NRG1: variants seen among roughly 807,000 people sequenced by gnomAD.
NRG1 encodes pro-neuregulin-1, membrane-bound isoform.
A neutral mutation model predicts 63.8 loss-of-function variants in NRG1; 18 were observed. That is an observed-to-expected ratio of 0.28 (90% CI 0.19 to 0.42). The LOEUF (loss-of-function observed/expected upper bound fraction) is 0.42. Among genes scored for constraint, NRG1 ranks in the 10% least tolerant of loss-of-function variants. The pLI is 1.00. For missense variants in NRG1, 762 were observed against 814.7 expected, an observed-to-expected ratio of 0.94 and a Z score of 0.79; for synonymous variants, 302 against 301.3, an observed-to-expected ratio of 1.00 and a Z score of -0.02.
At chr8:32,521,862 T>G (rs1374050623) in intron 1 of NRG1, among the ~76,000 whole-genome samples, 2 of 152,214 alleles carry the variant, frequency 1.3e-5, no homozygotes, top group African/African-American at 4.8e-5. Flanking sequence ...CAGGAAAAAC[T>G]TCTTTAGTTC....
intron 1 of NRG1, among the ~76,000 whole-genome samples, chr8:32,587,121 A>G (rs985900220): frequency 7.9e-5 from 12 of 152,076 alleles, no homozygotes; most frequent in African/African-American, 2.7e-4. Context: ...AGGCAGGAGG[A>G]TCACTTGAGC....
chr8:31,989,367 G>A (rs1810677857), intron 1 of NRG1, among the ~76,000 whole-genome samples: 1 of 151,172 alleles, frequency 6.6e-6, no homozygotes, highest in Non-Finnish European at 1.5e-5. Context: ...CCAAATGCTT[G>A]CTAGCTATTT....
chr8:32,749,814 A>G (rs577882382), intron 7 of NRG1: 41 of 573,396 alleles, frequency 7.2e-5, no homozygotes, highest in Non-Finnish European at 1.1e-4. Flanking sequence ...CTTAGAGTTT[A>G]AAAGTACCCT....
Position 32,510,119 on chromosome 8 carries a change from A to ATC in NRG1, c.38-85709_38-85708insTC, listed in dbSNP as rs1554566660. 2.7e-3 allele frequency among the ~76,000 whole-genome samples: 290 copies of ATC among 106,744 alleles called. 1 individual carries two copies. Among genetic ancestry groups the ATC allele is most frequent in the African/African-American group, 8.0e-3 (261 of 32,620 alleles). The allele number at this position is 106,744 out of a possible 152,430, so 70.0% of individuals were successfully genotyped here. On this transcript the variant is annotated intron_variant, in intron 1 of 10. Transcript: ENST00000519301. ...CAAAAATAATAATAATAATAATAAT[A>ATC]ATAATAATCATAAAAGCAAGGGAGG...
chr8:32,229,158 G>C (rs59792979), intron 1 of NRG1, among the ~76,000 whole-genome samples: 1,874 of 152,242 alleles, frequency 0.012, 43 homozygotes, highest in African/African-American at 0.042. Flanking sequence ...TTTCCTGTTG[G>C]CAGCCACGAA....
intron 5 of NRG1, among the ~76,000 whole-genome samples, chr8:32,699,414 G>T (rs139107185): frequency 1.7e-4 from 26 of 152,308 alleles, no homozygotes; most frequent in African/African-American, 5.8e-4. Flanking sequence ...TAAACAGCTT[G>T]CCTGGGTTAG....
intron 1 of NRG1, among the ~76,000 whole-genome samples, chr8:31,738,259 G>A (rs1814894511): frequency 6.6e-6 from 1 of 152,052 alleles, no homozygotes; most frequent in Non-Finnish European, 1.5e-5. Context: ...TAACTAAGGT[G>A]GTTAGAGAAC....
At position 32,492,069 on chromosome 8, in the gene NRG1, A is replaced by G. The variant is rs1176150521; in HGVS notation, c.38-103759A>G. On this transcript the variant is annotated intron_variant, in intron 1 of 10. Coordinates refer to the NRG1 transcript ENST00000519301. Reference sequence around the variant, plus strand: ...TATAATCCCCGTAATTATTTCACTCATCAAAGAAATGTATCCAGCTGAGAC... The same window carrying G: ...TATAATCCCCGTAATTATTTCACTCGTCAAAGAAATGTATCCAGCTGAGAC... Among the ~76,000 whole-genome samples, 4 of 152,178 alleles carry G rather than the reference A, an allele frequency of 2.6e-5. 1 individual carries two copies. The highest frequency in any genetic ancestry group is 2.9e-5 in the Non-Finnish European group (2 of 68,038).
At chr8:32,062,135 C>T (rs141271206) in intron 1 of NRG1, among the ~76,000 whole-genome samples, 1 of 151,976 alleles carries the variant, frequency 6.6e-6, no homozygotes. Context: ...TGTGCAGTGA[C>T]CTTTTAAAAG....
intron 7 of NRG1, among the ~76,000 whole-genome samples, chr8:32,744,837 T>G (rs1827131687): frequency 6.6e-6 from 1 of 152,174 alleles, no homozygotes; most frequent in African/African-American, 2.4e-5. Flanking sequence ...GACCATTTGC[T>G]TTTTCAGAAG....
At chr8:32,748,375 A>AGAGAGAG (rs1827974886) in intron 7 of NRG1, among the ~76,000 whole-genome samples, 1 of 151,598 alleles carries the variant, frequency 6.6e-6, no homozygotes, top group Non-Finnish European at 1.5e-5. Context: ...AGAGAGAGAG[A>AGAGAGAG]GAGAGAGAGA....
At chr8:31,834,851 A>G (rs923220590) in intron 1 of NRG1, among the ~76,000 whole-genome samples, 4 of 152,170 alleles carry the variant, frequency 2.6e-5, no homozygotes, top group African/African-American at 9.6e-5. Flanking sequence ...TCTCATTGCC[A>G]TTGATTGTAC....
chr8:32,405,128 T>A (rs535201711), intron 1 of NRG1, among the ~76,000 whole-genome samples: 1 of 152,330 alleles, frequency 6.6e-6, no homozygotes, highest in East Asian at 1.9e-4. Context: ...GCTGTCCCTG[T>A]TGCCTCTGGT....
intron 1 of NRG1, among the ~76,000 whole-genome samples, chr8:32,343,149 T>G (rs1295266682): frequency 6.6e-6 from 1 of 152,194 alleles, no homozygotes. Flanking sequence ...TAAAACTATT[T>G]TGATAGCCTG....
At chr8:32,647,718 A>T in intron 5 of NRG1, 1 of 1,555,164 alleles carries the variant, frequency 6.4e-7, no homozygotes. Context: ...AGGTGAGCCG[A>T]TGGAGATTTA....
chr8:32,551,463 C>T (rs551386550), intron 1 of NRG1, among the ~76,000 whole-genome samples: 1 of 152,286 alleles, frequency 6.6e-6, no homozygotes, highest in South Asian at 2.1e-4. Context: ...ATCTCAGCCA[C>T]TCAGCCCCGC....
intron 1 of NRG1, among the ~76,000 whole-genome samples, chr8:31,712,255 C>CTTTTTTCTTTTTT (rs1811842144): frequency 1.4e-5 from 1 of 72,354 alleles, no homozygotes; most frequent in African/African-American, 5.8e-5. Context: ...TCTTCATGAT[C>CTTTTTTCTTTTTT]TTTTTTTTTT....
At chr8:31,805,268 A>G (rs1822156526) in intron 1 of NRG1, among the ~76,000 whole-genome samples, 1 of 152,144 alleles carries the variant, frequency 6.6e-6, no homozygotes, top group Admixed American at 6.5e-5. Flanking sequence ...TTTGTGCTTT[A>G]AATTAATTGT....
chr8:32,374,619 C>A (rs1203227008), intron 1 of NRG1, among the ~76,000 whole-genome samples: 1 of 152,186 alleles, frequency 6.6e-6, no homozygotes, highest in African/African-American at 2.4e-5. Context: ...CCTCTTCTGC[C>A]TCCCAACATC....
Sources: gnomAD v4.1 joint callset for allele counts (sites outside exome capture counted in the v4.1 genomes callset) on GRCh38, gnomAD v4.1.1 for gene constraint, MANE v1.5 for transcripts, NCBI Gene and HGNC (gene_info 2026-07-23, HGNC 2026-07-21) for gene names.